Variants in SLC24A4 observed in about 807,000 individuals in gnomAD.
SLC24A4 encodes sodium/potassium/calcium exchanger 4.
Under a neutral mutation model 79.0 loss-of-function variants are expected in SLC24A4, and 53 were observed. The observed-to-expected ratio is 0.67, with a 90% CI of 0.54 to 0.84. SLC24A4 has a LOEUF of 0.84. Ranked by LOEUF, SLC24A4 falls within the 40% of genes least tolerant of loss-of-function variation. SLC24A4 has a pLI of 0.00. For missense variants in SLC24A4, 731 were observed against 822.0 expected (o/e 0.89, Z 1.35); for synonymous variants, 323 against 323.8 (o/e 1.00, Z 0.03).
At chr14:92,419,781 A>G (rs902404597) in intron 2 of SLC24A4, among the ~76,000 whole-genome samples, 2 of 152,234 alleles carry the variant, frequency 1.3e-5, no homozygotes, top group Admixed American at 6.5e-5. Flanking sequence ...TCATGAATAA[A>G]GGGTCAATCA....
intron 2 of SLC24A4, among the ~76,000 whole-genome samples, chr14:92,370,254 C>T (rs1236063256): frequency 6.6e-6 from 1 of 152,088 alleles, no homozygotes; most frequent in African/African-American, 2.4e-5. Context: ...GAACGTAGAG[C>T]AAAAAGACAA....
chr14:92,393,230 G>T (rs1265784416), intron 2 of SLC24A4, among the ~76,000 whole-genome samples: 6 of 152,248 alleles, frequency 3.9e-5, no homozygotes, highest in Non-Finnish European at 7.3e-5. Flanking sequence ...AAGGTATTTG[G>T]TTAAAGCAGT....
intron 2 of SLC24A4, among the ~76,000 whole-genome samples, chr14:92,378,340 A>G (rs900774646): frequency 6.6e-6 from 1 of 152,134 alleles, no homozygotes; most frequent in East Asian, 1.9e-4. Context: ...TGCCTGCCAT[A>G]TTTCATAGAC....
chr14:92,372,271 C>T (rs1467806970), intron 2 of SLC24A4, among the ~76,000 whole-genome samples: 3 of 152,138 alleles, frequency 2.0e-5, no homozygotes, highest in African/African-American at 7.2e-5. Context: ...TGAGTCTCAC[C>T]AGACAGACTC....
intron 2 of SLC24A4, among the ~76,000 whole-genome samples, chr14:92,388,693 C>T (rs1889302798): frequency 6.6e-6 from 1 of 152,200 alleles, no homozygotes; most frequent in Non-Finnish European, 1.5e-5. Context: ...CAGAGATGTC[C>T]TCACCCATCT....
At chr14:92,366,864 T>C (rs1037784699) in intron 2 of SLC24A4, among the ~76,000 whole-genome samples, 1 of 152,210 alleles carries the variant, frequency 6.6e-6, no homozygotes, top group Non-Finnish European at 1.5e-5. Flanking sequence ...TCCATTTCTT[T>C]TCAGCTCATG....
At chr14:92,428,048 T>C (rs1891664169) in intron 2 of SLC24A4, among the ~76,000 whole-genome samples, 1 of 152,198 alleles carries the variant, frequency 6.6e-6, no homozygotes, top group Non-Finnish European at 1.5e-5. Context: ...CCTCCAGAAC[T>C]GTGAGAAATA....
chr14:92,360,823 C>T (rs543614341), intron 2 of SLC24A4, among the ~76,000 whole-genome samples: 2 of 152,224 alleles, frequency 1.3e-5, no homozygotes, highest in African/African-American at 2.4e-5. Flanking sequence ...TCCCTTTCTA[C>T]CCACCACACA....
At chr14:92,478,302 A>T (rs1351546101) in intron 12 of SLC24A4, among the ~76,000 whole-genome samples, 3 of 152,146 alleles carry the variant, frequency 2.0e-5, no homozygotes, top group African/African-American at 7.2e-5. Flanking sequence ...ATCATTTTTT[A>T]ATTCAATTTT....
At chr14:92,343,653 T>TTTCCTTCCTTCC (rs34220155) in intron 2 of SLC24A4, among the ~76,000 whole-genome samples, 5,222 of 34,060 alleles carry the variant, frequency 0.15, 850 homozygotes, top group Admixed American at 0.22. Flanking sequence ...TCTTTCCTTC[T>TTTCCTTCCTTCC]TTCCTTCCTT....
At chr14:92,402,023 T>C (rs1269576671) in intron 2 of SLC24A4, among the ~76,000 whole-genome samples, 1 of 152,208 alleles carries the variant, frequency 6.6e-6, no homozygotes, top group Non-Finnish European at 1.5e-5. Flanking sequence ...TCCTCGATGA[T>C]GGGCTCATAA....
At chr14:92,431,873 T>G (rs1891890937) in intron 2 of SLC24A4, among the ~76,000 whole-genome samples, 1 of 152,200 alleles carries the variant, frequency 6.6e-6, no homozygotes. Flanking sequence ...TGGCGTGATT[T>G]CCACTTGGCC....
At chr14:92,428,906 G>A (rs939846167) in intron 2 of SLC24A4, among the ~76,000 whole-genome samples, 2 of 152,214 alleles carry the variant, frequency 1.3e-5, no homozygotes, top group African/African-American at 4.8e-5. Context: ...ATTTTGTTAA[G>A]TGAAAGAAGC....
chr14:92,340,166 T>C (rs773629952), intron 2 of SLC24A4, among the ~76,000 whole-genome samples: 2 of 152,230 alleles, frequency 1.3e-5, no homozygotes, highest in Non-Finnish European at 2.9e-5. Context: ...CTGGCTTATA[T>C]TGTATATTCT....
intron 7 of SLC24A4, among the ~76,000 whole-genome samples, chr14:92,444,928 C>CAT (rs1250140681): frequency 5.6e-5 from 4 of 70,886 alleles, no homozygotes; most frequent in African/African-American, 2.3e-4. Flanking sequence ...TATATACACA[C>CAT]ACATACACAC....
chr14:92,323,298 C>G lies in SLC24A4; in HGVS notation c.-533C>G, dbSNP rs1438975436. ...GCGTCCAGCCAGCCTTCCCGCGGCG[C>G]GCACTCGGCCGCCCGGGCTCGGCTC... On this transcript the variant is annotated 5_prime_UTR_variant, in exon 1 of 17. Coordinates refer to ENST00000532405, the MANE Select transcript of SLC24A4 (RefSeq NM_153646.4). The surrounding 1 kb of genome is among the most constrained non-coding windows in gnomAD (Gnocchi z 4.9). The G allele has an allele frequency of 1.3e-5, 2 of 152,182 alleles. No homozygotes were observed. Among genetic ancestry groups the G allele is most frequent in the African/African-American group, 4.8e-5 (2 of 41,464 alleles). 9.4% of individuals were successfully genotyped at this position (152,182 alleles called of 1,614,324 possible).
At chr14:92,491,841 C>G in intron 15 of SLC24A4, 64 bp downstream of exon 15, 1 of 1,315,450 alleles carries the variant, frequency 7.6e-7, no homozygotes, top group Admixed American at 1.7e-5. Context: ...TGGCCCAGTT[C>G]CAGCCAGAGG....
chr14:92,326,280 C>T (rs1050580934), intron 2 of SLC24A4, among the ~76,000 whole-genome samples: 9 of 119,302 alleles, frequency 7.5e-5, no homozygotes, highest in South Asian at 5.5e-4. Context: ...TTGATGTTTG[C>T]GGCTCGGGGT....
intron 5 of SLC24A4, 47 bp from the exon 6 acceptor site, chr14:92,442,666 C>A: frequency 7.3e-7 from 1 of 1,373,778 alleles, no homozygotes; most frequent in Non-Finnish European, 1.0e-6. Flanking sequence ...AAGGGGCAGG[C>A]TGGGGACGTG....
Sources: allele counts gnomAD v4.1 joint callset (sites outside exome capture counted in the v4.1 genomes callset), GRCh38; gene constraint gnomAD v4.1.1; non-coding constraint Gnocchi (gnomAD v3.1); transcripts MANE v1.5; gene names NCBI Gene and HGNC (gene_info 2026-07-23, HGNC 2026-07-21).